The following CKAP5 variants were observed in gnomAD, a reference collection of about 807,000 sequenced individuals.
The protein encoded by CKAP5 is cytoskeleton-associated protein 5.
In CKAP5, 27 loss-of-function variants were observed where a neutral mutation model predicts 232.8. The ratio of observed to expected loss-of-function variants is 0.12; its 90% CI spans 0.09 to 0.16. The LOEUF (loss-of-function observed/expected upper bound fraction) is 0.16, where lower values mean the gene tolerates loss of function less well. Ranked by LOEUF, CKAP5 falls within the 10% of genes least tolerant of loss-of-function variation. CKAP5 has a pLI of 1.00. For synonymous variants in CKAP5, 785 were observed against 841.1 expected, an observed-to-expected ratio of 0.93 and a Z score of 1.16; for missense variants, 1,838 against 2,424.7, an observed-to-expected ratio of 0.76 and a Z score of 5.08.
chr11:46,802,332 G>C (rs1331136644), intron 8 of CKAP5: 1 of 152,126 alleles, frequency 6.6e-6, no homozygotes, highest in Admixed American at 6.6e-5. Flanking sequence ...TTCCTTCCTG[G>C]TAAGATTTTA....
chr11:46,772,271 T>C (rs1223677083), intron 24 of CKAP5, among the ~76,000 whole-genome samples: 1 of 152,114 alleles, frequency 6.6e-6, no homozygotes, highest in Admixed American at 6.5e-5. Context: ...TTTATTATTT[T>C]CATGTGGTTT....
At chr11:46,810,711 G>GT (rs1344338797) in intron 5 of CKAP5, among the ~76,000 whole-genome samples, 3 of 152,166 alleles carry the variant, frequency 2.0e-5, no homozygotes, top group Non-Finnish European at 2.9e-5. Context: ...AGAAAGAACA[G>GT]TAAGTCCCAC....
intron 34 of CKAP5, 56 bp from the exon 35 acceptor site, chr11:46,759,099 G>A (rs1053266090): frequency 6.3e-7 from 1 of 1,593,972 alleles, no homozygotes; most frequent in Non-Finnish European, 8.6e-7. Context: ...ATCCCAGTCA[G>A]TTGGAGTTAT....
At chr11:46,784,830 G>A (rs2065377058) in intron 16 of CKAP5, among the ~76,000 whole-genome samples, 157 bp from the exon 17 acceptor site, 1 of 151,966 alleles carries the variant, frequency 6.6e-6, no homozygotes, top group Non-Finnish European at 1.5e-5. Context: ...AAAATAATTT[G>A]TATCCTTTAA....
chr11:46,768,885 T>C (rs1306398203), intron 26 of CKAP5, among the ~76,000 whole-genome samples: 5 of 152,108 alleles, frequency 3.3e-5, no homozygotes, highest in Non-Finnish European at 5.9e-5. Flanking sequence ...TAAAAATGAA[T>C]TGGTCACAGG....
intron 13 of CKAP5, among the ~76,000 whole-genome samples, chr11:46,791,590 C>G (rs1180771370): frequency 1.3e-5 from 2 of 152,082 alleles, no homozygotes; most frequent in African/African-American, 2.4e-5. Context: ...GGGAGGGCTG[C>G]TTGAGCCCAG....
intron 7 of CKAP5, 77 bp downstream of exon 7, chr11:46,809,323 G>C (rs1939224826): frequency 3.1e-6 from 3 of 971,254 alleles, no homozygotes; most frequent in Admixed American, 4.3e-5. Flanking sequence ...TCAGGCAAGG[G>C]CTCAGCAGAG....
At chr11:46,795,458 A>G (rs1309375547) in intron 13 of CKAP5, 136 bp downstream of exon 13, 3 of 665,114 alleles carry the variant, frequency 4.5e-6, no homozygotes, top group Non-Finnish European at 7.4e-6. Flanking sequence ...TCCTATCTTC[A>G]TTAACAGATT....
rs757637908 is a variant in CKAP5 at position 46,780,206 on chromosome 11, T to C, written c.2421A>G (p.Ala807=). 7 of 1,613,986 alleles carry C rather than the reference T, an allele frequency of 4.3e-6. No individual in the cohort carries two copies. Among genetic ancestry groups the C allele is most frequent in the Non-Finnish European group, 5.9e-6 (7 of 1,179,980 alleles). The change falls in exon 20 of 44, where the codon GCA becomes GCG. Residue 807 remains alanine (A), a synonymous_variant. Transcript: ENST00000529230. The part of the protein sequence containing the change: ...EKPALLSQID[A]EFEKMQGQSP... ...GTGGAAATTCTACCTTCTCAAATTCTGCATCTATCTGGGATAGGAGGGCAG... is the reference window on the plus strand; with the variant it reads ...GTGGAAATTCTACCTTCTCAAATTCCGCATCTATCTGGGATAGGAGGGCAG...
chr11:46,816,997 T>G lies in CKAP5; in HGVS notation c.252-593A>C, dbSNP rs189212940. Among the ~76,000 whole-genome samples, 423 of 151,806 alleles carry G rather than the reference T, an allele frequency of 2.8e-3. 3 individuals carry two copies. The highest frequency in any genetic ancestry group is 9.7e-3 in the African/African-American group (401 of 41,432). ...GGCGCATGCCTGTAATTCCAGCTAC[T>G]CAGGAGGCTGAGGCAGGAGAATCAC... is the stretch of plus-strand genomic sequence containing the variant. On this transcript the variant is annotated intron_variant, in intron 3 of 43. Transcript: ENST00000529230.
chr11:46,830,180 G>A (rs895046739), intron 1 of CKAP5, among the ~76,000 whole-genome samples: 2 of 151,958 alleles, frequency 1.3e-5, no homozygotes, highest in Non-Finnish European at 2.9e-5. Flanking sequence ...GGTGGCTCAC[G>A]CCTGCAATCC....
intron 2 of CKAP5, 146 bp from the exon 3 acceptor site, chr11:46,818,649 A>C: frequency 1.7e-6 from 1 of 575,842 alleles, no homozygotes; most frequent in South Asian, 4.7e-5. Context: ...AGAAATGAAA[A>C]AAGAGTTTAA....
At chr11:46,784,327 C>T (rs1298988649) in intron 17 of CKAP5, among the ~76,000 whole-genome samples, 161 bp downstream of exon 17, 1 of 152,100 alleles carries the variant, frequency 6.6e-6, no homozygotes, top group Non-Finnish European at 1.5e-5. Flanking sequence ...TGCACCATTG[C>T]ATTCCAGCCT....
In CKAP5 at chr11:46,834,919, C is replaced by T. The variant is rs148044205; in HGVS notation, c.-38+11301G>A. ...CTCCCAGGCCCAAGTAATCCTCCCA[C>T]CTCTGCCTCCCAAGTAGCTGGGCCA... On this transcript the variant is annotated intron_variant, in intron 1 of 43. Transcript: ENST00000529230. Among the ~76,000 whole-genome samples, 420 of 152,154 alleles carry T rather than the reference C, an allele frequency of 2.8e-3. 2 individuals carry two copies. Among genetic ancestry groups the T allele is most frequent in the African/African-American group, 9.6e-3 (398 of 41,502 alleles).
At chr11:46,795,067 G>A (rs1430193912) in intron 13 of CKAP5, among the ~76,000 whole-genome samples, 1 of 152,068 alleles carries the variant, frequency 6.6e-6, no homozygotes, top group Admixed American at 6.5e-5. Flanking sequence ...GGTGGCTCAC[G>A]CCTGTAATCT....
chr11:46,783,387 C>A lies in CKAP5; in HGVS notation c.2155-19G>T. On this transcript the variant is annotated intron_variant, in intron 17 of 43. Transcript: ENST00000529230. ...ACACAACCTGAAAAGGGAAAAACAG[C>A]AGATCTGTGTTTTATCTCGTATTTC... is the stretch of plus-strand genomic sequence containing the variant. 1 of 1,445,496 alleles carries A rather than the reference C, an allele frequency of 6.9e-7. No homozygotes were observed. The highest frequency in any genetic ancestry group is 1.4e-5 in the African/African-American group (1 of 71,380). 89.5% of individuals were successfully genotyped at this position (1,445,496 alleles called of 1,614,324 possible).
chr11:46,812,519 G>C (rs1188650682), intron 4 of CKAP5, among the ~76,000 whole-genome samples: 1 of 151,984 alleles, frequency 6.6e-6, no homozygotes, highest in East Asian at 1.9e-4. Flanking sequence ...TGAGTAGTAG[G>C]ACCCAAATTA....
chr11:46,755,539 TTCAG>T (rs2065104505), intron 35 of CKAP5, among the ~76,000 whole-genome samples: 2 of 151,850 alleles, frequency 1.3e-5, no homozygotes, highest in South Asian at 4.2e-4. Flanking sequence ...TCCTTAGGGA[TTCAG>T]TCATTCGGCA....
chr11:46,795,817 T>C (rs776956270), intron 12 of CKAP5, 41 bp from the exon 13 acceptor site: 11 of 1,512,340 alleles, frequency 7.3e-6, no homozygotes, highest in African/African-American at 1.4e-5. Flanking sequence ...AAGCCCAACT[T>C]TGAAACACAA....
Sources: allele counts gnomAD v4.1 joint callset (sites outside exome capture counted in the v4.1 genomes callset), GRCh38; gene constraint gnomAD v4.1.1; transcripts MANE v1.5; gene names NCBI Gene and HGNC (gene_info 2026-07-23, HGNC 2026-07-21).